Variants in ANKS1B observed in about 807,000 individuals in gnomAD.
ANKS1B encodes the protein ankyrin repeat and sterile alpha motif domain containing 1B.
A neutral mutation model predicts 148.3 loss-of-function variants in ANKS1B; 36 were observed. The ratio of observed to expected loss-of-function variants is 0.24; its 90% CI spans 0.19 to 0.32. ANKS1B has a LOEUF of 0.32. Ranked by LOEUF, ANKS1B falls within the 10% of genes least tolerant of loss-of-function variation. The pLI is 1.00. For missense variants in ANKS1B, 1,157 were observed against 1,542.6 expected (o/e 0.75, Z 4.19); for synonymous variants, 542 against 560.8 (o/e 0.97, Z 0.47).
At chr12:98,769,048 T>C (rs1468276866) in intron 25 of ANKS1B, among the ~76,000 whole-genome samples, 1 of 151,980 alleles carries the variant, frequency 6.6e-6, no homozygotes, top group Non-Finnish European at 1.5e-5. Flanking sequence ...TAAAAACATG[T>C]GACCCATAAA....
intron 12 of ANKS1B, among the ~76,000 whole-genome samples, chr12:99,278,571 C>T (rs888725259): frequency 6.6e-6 from 1 of 152,086 alleles, no homozygotes; most frequent in African/African-American, 2.4e-5. Flanking sequence ...CTCTTTGATT[C>T]TTACACATCC....
chr12:99,959,197 A>C (rs2095369582), intron 1 of ANKS1B, among the ~76,000 whole-genome samples: 1 of 147,682 alleles, frequency 6.8e-6, no homozygotes, highest in Admixed American at 6.8e-5. Context: ...AGTAGCTTGG[A>C]CTACAGGTGC....
intron 14 of ANKS1B, among the ~76,000 whole-genome samples, chr12:99,176,303 A>C (rs554456009): frequency 1.3e-5 from 2 of 152,136 alleles, no homozygotes; most frequent in East Asian, 3.9e-4. Flanking sequence ...TTGTCTTTTA[A>C]GTTTCTCTTT....
intron 1 of ANKS1B, among the ~76,000 whole-genome samples, chr12:99,929,342 T>C (rs2094554170): frequency 1.3e-5 from 2 of 151,966 alleles, no homozygotes; most frequent in South Asian, 4.2e-4. Context: ...GTTGATGGGG[T>C]GGTTTGTTTT....
intron 12 of ANKS1B, among the ~76,000 whole-genome samples, chr12:99,381,010 A>C (rs2093623697): frequency 6.6e-6 from 1 of 152,180 alleles, no homozygotes; most frequent in African/African-American, 2.4e-5. Flanking sequence ...AGACCCAGAG[A>C]AGAAGGCCAT....
At chr12:99,693,309 T>C (rs983814080) in intron 8 of ANKS1B, among the ~76,000 whole-genome samples, 1 of 152,168 alleles carries the variant, frequency 6.6e-6, no homozygotes, top group Non-Finnish European at 1.5e-5. Flanking sequence ...AAAAGAACTG[T>C]TGGAGTACTG....
At chr12:99,847,065 A>G (rs1039032632) in intron 1 of ANKS1B, among the ~76,000 whole-genome samples, 1 of 150,970 alleles carries the variant, frequency 6.6e-6, no homozygotes, top group Non-Finnish European at 1.5e-5. Context: ...GAACTGAAGG[A>G]CAGTGGCAGG....
At position 99,775,075 on chromosome 12, in the gene ANKS1B, T is replaced by C. The variant is rs370114404; in HGVS notation, c.961+473A>G. Among the ~76,000 whole-genome samples, 27 of 152,192 alleles carry C rather than the reference T, an allele frequency of 1.8e-4. No individual in the cohort carries two copies. In the East Asian group the frequency reaches 4.6e-3, roughly 26 times the overall value. ...ATTAATAAATTCTGGAGATTTAAAA[T>C]ACAGCATGGTGACTATAGTTAATAA... On this transcript the variant is annotated intron_variant, in intron 7 of 26. Transcript: ENST00000683438.
At chr12:98,805,310 T>TTG (rs934325073) in intron 20 of ANKS1B, among the ~76,000 whole-genome samples, 1 of 151,744 alleles carries the variant, frequency 6.6e-6, no homozygotes, top group Non-Finnish European at 1.5e-5. Context: ...TTAAGGCCTT[T>TTG]TTTTTTATTA....
Position 98,906,851 on chromosome 12 carries a change from T to G in ANKS1B, c.2779-74715A>C, listed in dbSNP as rs550082300. 2.0e-5 allele frequency among the ~76,000 whole-genome samples: 3 copies of G among 152,206 alleles called. No individual in the cohort carries two copies. The South Asian group carries it at 6.2e-4, about 32-fold the overall frequency. Reference sequence around the variant, plus strand: ...TTTTTTAAATAATTTTTGTTTTTATTTTTTTCCAGTTTCATTGAGGTAGAA... The same window carrying G: ...TTTTTTAAATAATTTTTGTTTTTATGTTTTTCCAGTTTCATTGAGGTAGAA... On this transcript the variant is annotated intron_variant, in intron 17 of 26. Coordinates refer to ENST00000683438, the MANE Select transcript of ANKS1B (RefSeq NM_001352186.2).
At chr12:98,938,055 C>T (rs1009116939) in intron 17 of ANKS1B, among the ~76,000 whole-genome samples, 8 of 152,086 alleles carry the variant, frequency 5.3e-5, no homozygotes, top group African/African-American at 1.4e-4. Flanking sequence ...GATTACAATT[C>T]GAGATGATAT....
chr12:99,505,572 A>C (rs1567230173), intron 9 of ANKS1B, among the ~76,000 whole-genome samples: 1 of 149,802 alleles, frequency 6.7e-6, no homozygotes, highest in African/African-American at 2.4e-5. Flanking sequence ...TTAATTGGTC[A>C]ACAAATACTT....
chr12:99,375,119 T>C (rs1340205434), intron 12 of ANKS1B, among the ~76,000 whole-genome samples: 3 of 152,170 alleles, frequency 2.0e-5, no homozygotes, highest in Non-Finnish European at 4.4e-5. Context: ...ATCCGTTAGT[T>C]GAGTTAAAAA....
chr12:99,876,310 T>C (rs559990328), intron 1 of ANKS1B, among the ~76,000 whole-genome samples: 35 of 152,270 alleles, frequency 2.3e-4, no homozygotes, highest in Admixed American at 2.0e-3. Context: ...TGCACAAAGT[T>C]GTGCAGCACC....
intron 11 of ANKS1B, among the ~76,000 whole-genome samples, chr12:99,422,539 T>C (rs1269024451): frequency 1.3e-5 from 2 of 152,072 alleles, no homozygotes; most frequent in East Asian, 3.9e-4. Flanking sequence ...GTGAAAGCAG[T>C]GTGAGCGGGT....
intron 25 of ANKS1B, among the ~76,000 whole-genome samples, chr12:98,760,461 T>TTTTAGAGA (rs2098380271): frequency 6.6e-6 from 1 of 152,154 alleles, no homozygotes; most frequent in Admixed American, 6.5e-5. Context: ...AGACAGGGTT[T>TTTTAGAGA]CAACATGTTG....
intron 1 of ANKS1B, among the ~76,000 whole-genome samples, chr12:99,967,920 A>G (rs888925025): frequency 3.3e-5 from 5 of 151,774 alleles, no homozygotes; most frequent in Admixed American, 6.6e-5. Context: ...AAAAAAAAAA[A>G]AAAGAAAAAG....
chr12:99,021,806 C>G (rs1282226929), intron 17 of ANKS1B, among the ~76,000 whole-genome samples: 1 of 152,156 alleles, frequency 6.6e-6, no homozygotes, highest in Non-Finnish European at 1.5e-5. Flanking sequence ...TGCTTTGGCA[C>G]ATTCTAACTT....
At chr12:99,124,250 AG>A (rs1284371509) in intron 15 of ANKS1B, among the ~76,000 whole-genome samples, 1 of 152,214 alleles carries the variant, frequency 6.6e-6, no homozygotes, top group African/African-American at 2.4e-5. Context: ...GCAGGTGCCA[AG>A]GATTTAAGAA....
Sources: allele counts gnomAD v4.1 joint callset (sites outside exome capture counted in the v4.1 genomes callset), GRCh38; gene constraint gnomAD v4.1.1; transcripts MANE v1.5; gene names NCBI Gene and HGNC (gene_info 2026-07-23, HGNC 2026-07-21).